Variants in ZNF33B observed in about 807,000 individuals in gnomAD.
The protein encoded by ZNF33B is zinc finger protein 11b (KOX 2).
ZNF33B carries 29 observed loss-of-function variants against 45.8 expected under a neutral mutation model. The observed-to-expected ratio is 0.63, with a 90% CI of 0.47 to 0.86. The LOEUF is 0.86. ZNF33B is among the 40% of genes least tolerant of loss of function. ZNF33B has a pLI of 0.00. For synonymous variants in ZNF33B, 305 were observed against 307.8 expected, an observed-to-expected ratio of 0.99 and a Z score of 0.10; for missense variants, 831 against 909.9, an observed-to-expected ratio of 0.91 and a Z score of 1.12.
At position 42,593,784 on chromosome 10, in the gene ZNF33B, T is replaced by G. The variant is rs1006159222; in HGVS notation, c.1166A>C (p.Glu389Ala). The G allele has an allele frequency of 1.2e-6, 2 of 1,613,900 alleles. No homozygotes were observed. Among genetic ancestry groups the G allele is most frequent in the Non-Finnish European group, 1.7e-6 (2 of 1,179,948 alleles). Residue 389 changes from glutamate (E) to alanine (A), a missense_variant, in exon 5 of 5, where the codon GAA becomes GCA. Transcript: ENST00000359467. ...HTGEKPFECN[E>A]CGKAFSHKSA... ...CTTATGGCTAAAGGCTTTCCCACAT[T>G]CATTGCATTCAAAAGGTTTCTCCCC...
At chr10:42,583,804 T>C (rs977953159) in intron 1 of ZNF33B, among the ~76,000 whole-genome samples, 33 of 152,042 alleles carry the variant, frequency 2.2e-4, no homozygotes, top group African/African-American at 7.5e-4. Flanking sequence ...ATGTCACTTC[T>C]GCCTCACAGA....
chr10:42,599,877 T>C (rs1837549996), intron 4 of ZNF33B, among the ~76,000 whole-genome samples: 1 of 152,092 alleles, frequency 6.6e-6, no homozygotes, highest in African/African-American at 2.4e-5. Flanking sequence ...TCCCATAAAT[T>C]CCATTTTCAT....
At chr10:42,586,786 G>T (rs1219050169), downstream of ZNF33B, among the ~76,000 whole-genome samples, 1 of 152,184 alleles carries the variant, frequency 6.6e-6, no homozygotes, top group Non-Finnish European at 1.5e-5. Flanking sequence ...GTGTAGCATG[G>T]CCAAATGCCA....
rs148002346 is a variant in ZNF33B at position 42,593,289 on chromosome 10, G to A, written c.1661C>T (p.Ala554Val). ...QRTHTGEKPF[A>V]CPECGKFFSH... ...AAAGAATTTCCCACATTCAGGACATGCAAAGGGTTTCTCCCCTGTGTGCGT... is the reference window on the plus strand; with the variant it reads ...AAAGAATTTCCCACATTCAGGACATACAAAGGGTTTCTCCCCTGTGTGCGT... The change falls in exon 5 of 5, where the codon GCA (alanine) becomes GTA (valine). Residue 554 changes from alanine (A) to valine (V), a missense_variant. Transcript: ENST00000359467. The A allele has an allele frequency of 1.5e-5, 25 of 1,613,370 alleles. No individual in the cohort carries two copies. In the African/African-American group the frequency reaches 3.2e-4, roughly 21 times the overall value.
rs1279575044 is a variant in ZNF33B, at chr10:42,592,569, C to G, written c.*44G>C. 1.9e-6 allele frequency: 3 copies of G among 1,584,808 alleles called. No individual in the cohort carries two copies. In the Admixed American group the frequency reaches 5.2e-5, roughly 27 times the overall value. ...TCTCCACAGTGTGAAGACTCTGAGG[C>G]ATTATGGAGGCTGACTTGTGGCTGG... On this transcript the variant is annotated 3_prime_UTR_variant, in exon 5 of 5. Transcript: ENST00000359467.
intron 4 of ZNF33B, among the ~76,000 whole-genome samples, chr10:42,626,384 A>G (rs940301903): frequency 3.3e-5 from 5 of 152,126 alleles, no homozygotes; most frequent in Non-Finnish European, 7.4e-5. Flanking sequence ...AATTTTTTAA[A>G]TGTGTTAAGA....
At chr10:42,614,518 C>T (rs1210629365) in intron 4 of ZNF33B, among the ~76,000 whole-genome samples, 3 of 152,202 alleles carry the variant, frequency 2.0e-5, no homozygotes, top group African/African-American at 7.2e-5. Context: ...AAACATACCA[C>T]CCTAATATGT....
At chr10:42,622,134 G>T (rs986344828) in intron 4 of ZNF33B, among the ~76,000 whole-genome samples, 3 of 152,006 alleles carry the variant, frequency 2.0e-5, no homozygotes, top group Admixed American at 6.6e-5. Context: ...TAACCAAGAA[G>T]GTGCAAGACT....
Position 42,592,544 on chromosome 10 carries a change from T to C in ZNF33B, c.*69A>G. The stretch of plus-strand genomic sequence containing the variant: ...AACATTCAGGATGTCAACAGGCCCT[T>C]CTCCACAGTGTGAAGACTCTGAGGC... On this transcript the variant is annotated 3_prime_UTR_variant, in exon 5 of 5. Coordinates refer to ENST00000359467, the MANE Select transcript of ZNF33B (RefSeq NM_006955.3). 1.9e-6 allele frequency: 3 copies of C among 1,541,958 alleles called. No individual in the cohort carries two copies. Among genetic ancestry groups the C allele is most frequent in the Non-Finnish European group, 2.6e-6 (3 of 1,145,002 alleles).
intron 4 of ZNF33B, among the ~76,000 whole-genome samples, chr10:42,616,910 G>A (rs1838344713): frequency 1.3e-5 from 2 of 151,410 alleles, no homozygotes; most frequent in Non-Finnish European, 2.9e-5. Context: ...TGGCCAGGAT[G>A]GTCTCCATCT....
intron 4 of ZNF33B, among the ~76,000 whole-genome samples, chr10:42,621,519 T>C (rs183249137): frequency 6.6e-6 from 1 of 151,916 alleles, no homozygotes; most frequent in Admixed American, 6.6e-5. Context: ...CCTGTGTGGT[T>C]CAACATAAGA....
At chr10:42,612,287 G>A (rs1838134096) in intron 4 of ZNF33B, among the ~76,000 whole-genome samples, 1 of 132,416 alleles carries the variant, frequency 7.6e-6, no homozygotes, top group Non-Finnish European at 1.5e-5. Context: ...CAAGTCTGAA[G>A]TGCAGTGATG....
intron 3 of ZNF33B, 66 bp downstream of exon 3, chr10:42,632,229 T>A: frequency 6.4e-7 from 1 of 1,562,256 alleles, no homozygotes; most frequent in East Asian, 2.3e-5. Flanking sequence ...CTAGACAGAC[T>A]GCCTATATGT....
rs137933952 is a variant in ZNF33B at position 42,621,962 on chromosome 10, T to C, written c.250+9967A>G. Among the ~76,000 whole-genome samples, 127 of 152,262 alleles carry C rather than the reference T, an allele frequency of 8.3e-4. 1 individual carries two copies. In the Middle Eastern group the frequency reaches 0.024, roughly 29 times the overall value. ...CATAAAGAAACTACAAGAAAGATAC[T>C]ATAGCTAATGAATGAATTCTGCAAA... On this transcript the variant is annotated intron_variant, in intron 4 of 4. Coordinates refer to ENST00000359467, the MANE Select transcript of ZNF33B (RefSeq NM_006955.3).
chr10:42,618,316 T>A (rs1838418598), intron 4 of ZNF33B, among the ~76,000 whole-genome samples: 1 of 152,218 alleles, frequency 6.6e-6, no homozygotes, highest in Non-Finnish European at 1.5e-5. Context: ...CTTCATGGTA[T>A]GGACACACTA....
chr10:42,623,953 C>T (rs1487396068), intron 4 of ZNF33B, among the ~76,000 whole-genome samples: 2 of 147,616 alleles, frequency 1.4e-5, no homozygotes, highest in Admixed American at 1.4e-4. Flanking sequence ...CTTCAGCTGC[C>T]ATAACAAAAT....
chr10:42,583,218 T>A (rs922434754), intron 1 of ZNF33B: 37 of 691,004 alleles, frequency 5.4e-5, no homozygotes, highest in Admixed American at 1.3e-4. Flanking sequence ...TCTTGTGTTT[T>A]CCTACAGAAT....
rs1564498995 is a variant in ZNF33B at position 42,594,182 on chromosome 10, GA to G, written c.767del (p.Phe256SerfsTer31). 1 of 1,613,754 alleles carries G rather than the reference GA, an allele frequency of 6.2e-7. No homozygotes were observed. The highest frequency in any genetic ancestry group is 2.2e-5 in the East Asian group (1 of 44,868). ...NCDYNEFGRT[F>X]CDSSSLLFHQ... ...GGAACAAGAGGGATGAACTATCACA[GA>G]AAGTTCTCCCAAATTCATTATAGTC... On this transcript the variant is annotated frameshift_variant, in exon 5 of 5. Coordinates refer to ENST00000359467, the MANE Select transcript of ZNF33B (RefSeq NM_006955.3). LOFTEE classifies it low-confidence loss of function (END_TRUNC).
rs374318458 is a variant in ZNF33B at position 42,593,099 on chromosome 10, G to T, written c.1851C>A (p.Thr617=). The change falls in exon 5 of 5, where the codon ACC becomes ACA. Residue 617 remains threonine (T), a synonymous_variant. Coordinates refer to ENST00000359467, the MANE Select transcript of ZNF33B (RefSeq NM_006955.3). ...KPYECNECGK[T]FCQKSQLTQH... ...GAGTGAGTTGTGACTTCTGGCAGAA[G>T]GTTTTTCCACATTCATTACATTCAT... is the stretch of plus-strand genomic sequence containing the variant. 1 of 1,613,760 alleles carries T rather than the reference G, an allele frequency of 6.2e-7. No homozygotes were observed. Among genetic ancestry groups the T allele is most frequent in the Non-Finnish European group, 8.5e-7 (1 of 1,179,942 alleles).
Sources: allele counts gnomAD v4.1 joint callset (sites outside exome capture counted in the v4.1 genomes callset), GRCh38; gene constraint gnomAD v4.1.1; transcripts MANE v1.5; gene names NCBI Gene and HGNC (gene_info 2026-07-23, HGNC 2026-07-21).